Variants in ZNF578 observed in about 807,000 individuals in gnomAD.
The protein encoded by ZNF578 is zinc finger protein 578.
ZNF578 carries 8 observed loss-of-function variants against 8.3 expected under a neutral mutation model. The observed-to-expected ratio is 0.96, with a 90% confidence interval of 0.56 to 1.74. The LOEUF is 1.74. Among genes scored for constraint, ZNF578 ranks in the 40% most tolerant of loss-of-function variants. The pLI, the probability that ZNF578 is intolerant of heterozygous loss-of-function variation, is 0.00. For missense variants in ZNF578, 726 were observed against 707.5 expected, an observed-to-expected ratio of 1.03 and a Z score of -0.30; for synonymous variants, 206 against 232.2, an observed-to-expected ratio of 0.89 and a Z score of 1.03.
At chr19:52,509,487 C>G (rs1329581504) in intron 5 of ZNF578, among the ~76,000 whole-genome samples, 1 of 152,158 alleles carries the variant, frequency 6.6e-6, no homozygotes, top group Non-Finnish European at 1.5e-5. Context: ...ACACACTCCA[C>G]TCGTTAATGT....
At position 52,510,572 on chromosome 19, in the gene ZNF578, A is replaced by G. The variant is rs927281827; in HGVS notation, c.191A>G (p.Asp64Gly). 1 of 1,526,404 alleles carries G rather than the reference A, an allele frequency of 6.6e-7. No homozygotes were observed. Among genetic ancestry groups the G allele is most frequent in the Non-Finnish European group, 8.8e-7 (1 of 1,139,668 alleles). 94.6% of individuals were successfully genotyped at this position (1,526,404 alleles called of 1,614,324 possible). ...LENYRNLEAV[D>G]ISSKRMMKEV... ...ACGTATTGGTGTTTATATTTTGTAG[A>G]TATCTCTTCCAAACGCATGATGAAG... Residue 64 changes from aspartate (D) to glycine (G), a missense_variant and splice_region_variant, in exon 6 of 6, where the codon GAT becomes GGT. Coordinates refer to ENST00000421239, the MANE Select transcript of ZNF578 (RefSeq NM_001099694.2).
At chr19:52,458,572 TATAC>T (rs1432994130) in intron 2 of ZNF578, 1 of 150,728 alleles carries the variant, frequency 6.6e-6, no homozygotes, top group African/African-American at 2.4e-5. Flanking sequence ...GGGACATGTA[TATAC>T]AAAATGAATT....
intron 3 of ZNF578, among the ~76,000 whole-genome samples, chr19:52,498,684 C>CTTTTTTTTTTTGTTTT (rs2059395936): frequency 9.4e-6 from 1 of 106,852 alleles, no homozygotes; most frequent in Non-Finnish European, 1.8e-5. Context: ...CGCCTGGCCG[C>CTTTTTTTTTTTGTTTT]TTTTTTTTTT....
At chr19:52,493,091 T>C (rs1032039239) in intron 3 of ZNF578, among the ~76,000 whole-genome samples, 2 of 152,096 alleles carry the variant, frequency 1.3e-5, no homozygotes, top group African/African-American at 4.8e-5. Context: ...GTGTATACAC[T>C]TCTATAGCGT....
chr19:52,475,852 G>A (rs1048072766), intron 2 of ZNF578, among the ~76,000 whole-genome samples: 2 of 152,040 alleles, frequency 1.3e-5, no homozygotes, highest in South Asian at 2.1e-4. Context: ...TTTGTTCCTC[G>A]GAATAACTCA....
At chr19:52,492,174 AAAAAAAAAAAAAAAAAGGG>A (rs2059367677) in intron 3 of ZNF578, among the ~76,000 whole-genome samples, 1 of 146,724 alleles carries the variant, frequency 6.8e-6, no homozygotes, top group Non-Finnish European at 1.5e-5. Flanking sequence ...AAAAAAAAAA[AAAAAAAAAAAAAAAAAGGG>A]AGGGAGAGAC....
rs11318311 is a variant in ZNF578, at chr19:52,513,337, CTTTTTTTTTTTTTT to C, written c.*1194_*1207del. On this transcript the variant is annotated 3_prime_UTR_variant, in exon 6 of 6. Transcript: ENST00000421239. ...GCGCCTGGCATTGTTTCTTCTTTTCCTTTTTTTTTTTTTTTTTTTTTTTTGAGATAGTACTTTTT... is the reference window on the plus strand; with the variant it reads ...GCGCCTGGCATTGTTTCTTCTTTTCCTTTTTTTTTTGAGATAGTACTTTTT... Among the ~76,000 whole-genome samples, 31 of 101,362 alleles carry C rather than the reference CTTTTTTTTTTTTTT, an allele frequency of 3.1e-4. No homozygotes were observed. The highest frequency in any genetic ancestry group is 8.7e-4 in the African/African-American group (26 of 29,754). 66.5% of individuals were successfully genotyped at this position (101,362 alleles called of 152,430 possible).
intron 5 of ZNF578, among the ~76,000 whole-genome samples, chr19:52,509,658 T>C (rs1261020466): frequency 6.6e-6 from 1 of 152,062 alleles, no homozygotes; most frequent in African/African-American, 2.4e-5. Context: ...TCCCAGGTAC[T>C]TAAGAGGCTG....
intron 2 of ZNF578, among the ~76,000 whole-genome samples, chr19:52,478,434 T>G (rs2059314814): frequency 6.6e-6 from 1 of 152,162 alleles, no homozygotes; most frequent in Admixed American, 6.5e-5. Context: ...CTATTGGGGT[T>G]TCTATTTCTG....
Position 52,514,467 on chromosome 19 carries a change from T to G in ZNF578, c.*2313T>G, listed in dbSNP as rs148090340. 2.6e-3 allele frequency among the ~76,000 whole-genome samples: 394 copies of G among 152,362 alleles called. 1 individual carries two copies. The highest frequency in any genetic ancestry group is 9.0e-3 in the African/African-American group (374 of 41,592). ...AGTGTGTACTTGGTAAAGATGTCAG[T>G]GACCTTTTAAATAAACATCAAAATG... On this transcript the variant is annotated 3_prime_UTR_variant, in exon 6 of 6. Transcript: ENST00000421239.
chr19:52,512,021 C>T lies in ZNF578; in HGVS notation c.1640C>T (p.Ala547Val). 6.2e-7 allele frequency: 1 copy of T among 1,613,766 alleles called. No individual in the cohort carries two copies. Among genetic ancestry groups the T allele is most frequent in the Admixed American group, 1.7e-5 (1 of 59,992 alleles). The change falls in exon 6 of 6, where the codon GCT becomes GTT. Residue 547 changes from alanine (A) to valine (V), a missense_variant. By Grantham distance (64) the Ala-to-Val change is moderately conservative. Coordinates refer to ENST00000421239, the MANE Select transcript of ZNF578 (RefSeq NM_001099694.2). ...TACAAATGTAAGGTTTGTGACAAGG[C>T]TTTCATGTGCCATTCTTATCTGGCA... ...KPYKCKVCDK[A>V]FMCHSYLANH... is the part of the protein sequence containing the mutation.
Position 52,511,577 on chromosome 19 carries a change from A to G in ZNF578, c.1196A>G (p.Tyr399Cys), listed in dbSNP as rs2059446939. ...HKAIHTGEKPYKCNECGKAFN... is the reference protein window; with the variant it reads ...HKAIHTGEKPCKCNECGKAFN... ...GCAATTCATACTGGAGAGAAACCTT[A>G]CAAGTGTAATGAATGTGGCAAGGCT... Residue 399 changes from tyrosine to cysteine, a missense_variant, in exon 6 of 6, where the codon TAC becomes TGC. Coordinates refer to ENST00000421239, the MANE Select transcript of ZNF578 (RefSeq NM_001099694.2). The G allele has an allele frequency of 2.5e-6, 4 of 1,613,230 alleles. No homozygotes were observed. The highest frequency in any genetic ancestry group is 3.4e-6 in the Non-Finnish European group (4 of 1,179,214).
intron 2 of ZNF578, among the ~76,000 whole-genome samples, chr19:52,487,977 G>A (rs1456566666): frequency 6.8e-6 from 1 of 147,430 alleles, no homozygotes; most frequent in Non-Finnish European, 1.5e-5. Flanking sequence ...TTTTTGAGAG[G>A]GAGTTTTACT....
chr19:52,480,251 G>A (rs1209819109), intron 2 of ZNF578, among the ~76,000 whole-genome samples: 1 of 152,142 alleles, frequency 6.6e-6, no homozygotes. Context: ...TGTAGCTAAA[G>A]ATTGATTTCC....
intron 3 of ZNF578, among the ~76,000 whole-genome samples, chr19:52,492,048 C>T (rs1038660970): frequency 8.7e-5 from 13 of 149,188 alleles, no homozygotes; most frequent in African/African-American, 3.2e-4. Context: ...AAATCCGTTA[C>T]TCCAAAGGCT....
chr19:52,472,671 A>G (rs1038284203), intron 2 of ZNF578, among the ~76,000 whole-genome samples: 5 of 152,218 alleles, frequency 3.3e-5, no homozygotes, highest in African/African-American at 9.6e-5. Context: ...GGTAGAGCAT[A>G]GAAGCACTAA....
chr19:52,484,400 C>T (rs571545865), intron 2 of ZNF578, among the ~76,000 whole-genome samples: 5 of 152,244 alleles, frequency 3.3e-5, no homozygotes, highest in South Asian at 2.1e-4. Context: ...AGACCCTTTA[C>T]GGGTGTCGGG....
intron 2 of ZNF578, among the ~76,000 whole-genome samples, chr19:52,467,333 T>G (rs1439750836): frequency 6.6e-6 from 1 of 152,128 alleles, no homozygotes; most frequent in Non-Finnish European, 1.5e-5. Flanking sequence ...GTAGATCATA[T>G]CTGTTAGTAA....
intron 5 of ZNF578, among the ~76,000 whole-genome samples, chr19:52,507,060 C>T (rs775701024): frequency 5.9e-5 from 9 of 152,132 alleles, no homozygotes; most frequent in African/African-American, 1.7e-4. Context: ...TGAGACCAGT[C>T]GGGCAAACAT....
Sources: gnomAD v4.1 joint callset for allele counts (sites outside exome capture counted in the v4.1 genomes callset) on GRCh38, gnomAD v4.1.1 for gene constraint, MANE v1.5 for transcripts, NCBI Gene and HGNC (gene_info 2026-07-23, HGNC 2026-07-21) for gene names.